HTR2C: variants seen among roughly 807,000 people sequenced by gnomAD.
HTR2C encodes the protein 5-hydroxytryptamine (serotonin) receptor 2C, G protein-coupled.
HTR2C carries 5 observed loss-of-function variants against 21.0 expected under a neutral mutation model. The ratio of observed to expected loss-of-function variants is 0.24; its 90% CI spans 0.12 to 0.50. The LOEUF is 0.50. Ranked by LOEUF, HTR2C falls within the 20% of genes least tolerant of loss-of-function variation. The pLI, the probability that HTR2C is intolerant of heterozygous loss-of-function variation, is 0.98. For synonymous variants in HTR2C, 150 were observed against 145.3 expected (o/e 1.03, Z -0.23); for missense variants, 271 against 371.2 (o/e 0.73, Z 2.22).
At chrX:114,759,674 T>C (rs2069846924) in intron 4 of HTR2C, among the ~76,000 whole-genome samples, 1 of 111,250 alleles carries the variant, frequency 9.0e-6, no homozygotes, top group Non-Finnish European at 1.9e-5. Context: ...CCCCAATTCG[T>C]CAATCTCAAC....
intron 2 of HTR2C, among the ~76,000 whole-genome samples, chrX:114,629,305 A>T (rs1929514500): frequency 8.9e-6 from 1 of 111,890 alleles, no homozygotes; most frequent in African/African-American, 3.2e-5. Flanking sequence ...GGTAATGCTT[A>T]CTTTTAAATT....
chrX:114,871,378 A>G (rs2071090529), intron 5 of HTR2C, among the ~76,000 whole-genome samples: 1 of 112,175 alleles, frequency 8.9e-6, no homozygotes, highest in Admixed American at 9.5e-5. Flanking sequence ...TGTGCTGAGG[A>G]AAAGAATGTG....
intron 5 of HTR2C, among the ~76,000 whole-genome samples, chrX:114,900,950 C>T (rs1332357602): frequency 8.9e-6 from 1 of 112,386 alleles, no homozygotes; most frequent in Admixed American, 9.5e-5. Context: ...TAACTTTTCA[C>T]TTACACTGAA....
At chrX:114,793,724 C>CT (rs370271682) in intron 4 of HTR2C, among the ~76,000 whole-genome samples, 43 of 104,636 alleles carry the variant, frequency 4.1e-4, no homozygotes, top group African/African-American at 9.7e-4. Context: ...ACACCTTAGG[C>CT]TTTTTTTTTT....
intron 1 of HTR2C, among the ~76,000 whole-genome samples, chrX:114,584,902 G>T (rs1170633064): frequency 1.9e-5 from 2 of 106,119 alleles, no homozygotes; most frequent in African/African-American, 3.5e-5. Flanking sequence ...GGGAGCGGGG[G>T]CTCGAGATGA....
At chrX:114,710,459 G>T (rs782390760) in intron 2 of HTR2C, among the ~76,000 whole-genome samples, 23 of 111,559 alleles carry the variant, frequency 2.1e-4, no homozygotes, top group Non-Finnish European at 3.8e-4. Context: ...GTAGATATTG[G>T]AGTGCAACAC....
chrX:114,899,019 G>A (rs1473813541), intron 5 of HTR2C, among the ~76,000 whole-genome samples: 3 of 112,250 alleles, frequency 2.7e-5, no homozygotes, highest in African/African-American at 9.7e-5. Flanking sequence ...TTCTATCCAT[G>A]AGCATGGAAT....
chrX:114,897,506 T>A (rs782142984), intron 5 of HTR2C, among the ~76,000 whole-genome samples: 2 of 111,421 alleles, frequency 1.8e-5, no homozygotes, highest in Admixed American at 1.9e-4. Context: ...GATCATCCCA[T>A]CACTTAGGTA....
At chrX:114,834,696 T>C (rs1175636950) in intron 4 of HTR2C, among the ~76,000 whole-genome samples, 1 of 104,506 alleles carries the variant, frequency 9.6e-6, no homozygotes, top group East Asian at 3.2e-4. Context: ...GAGCATTTAG[T>C]CCATTTACAT....
chrX:114,793,678 T>C (rs1422142703), intron 4 of HTR2C, among the ~76,000 whole-genome samples: 1 of 110,842 alleles, frequency 9.0e-6, no homozygotes, highest in Admixed American at 9.7e-5. Context: ...GGCTCTATTA[T>C]TGAATAATGC....
chrX:114,591,463 T>C (rs1434033883), intron 1 of HTR2C, among the ~76,000 whole-genome samples: 3 of 111,820 alleles, frequency 2.7e-5, no homozygotes, highest in Non-Finnish European at 3.8e-5. Flanking sequence ...TGACTATTCA[T>C]TGATACAATG....
At position 114,743,722 on chromosome X, in the gene HTR2C, A is replaced by G. The variant is rs782689848; in HGVS notation, c.349+12115A>G. Among the ~76,000 whole-genome samples, 10 of 111,779 alleles carry G rather than the reference A, an allele frequency of 8.9e-5. No individual in the cohort carries two copies. The South Asian group carries it at 3.7e-3, about 42-fold the overall frequency. ...AAAATTTGAACAAAAATGGGCAATG[A>G]TTGCCCCAATTTGGTGAAAGAAAAA... On this transcript the variant is annotated intron_variant, in intron 4 of 5. Coordinates refer to ENST00000276198, the MANE Select transcript of HTR2C (RefSeq NM_000868.4).
intron 5 of HTR2C, among the ~76,000 whole-genome samples, chrX:114,852,843 G>A (rs1039510750): frequency 1.3e-4 from 14 of 109,719 alleles, no homozygotes; most frequent in South Asian, 3.8e-4. Flanking sequence ...GTTTGTGTGC[G>A]CGCGCGCGTG....
chrX:114,745,388 G>A (rs894229085), intron 4 of HTR2C, among the ~76,000 whole-genome samples: 1 of 112,196 alleles, frequency 8.9e-6, no homozygotes, highest in African/African-American at 3.2e-5. Context: ...ATGGGGAACA[G>A]TTTGGAGGTT....
intron 5 of HTR2C, among the ~76,000 whole-genome samples, chrX:114,863,685 C>T (rs1410415133): frequency 9.0e-6 from 1 of 110,946 alleles, no homozygotes; most frequent in Non-Finnish European, 1.9e-5. Flanking sequence ...CCAGTATTTC[C>T]TTATTATTTG....
intron 2 of HTR2C, among the ~76,000 whole-genome samples, chrX:114,619,724 G>C (rs980625101): frequency 2.0e-4 from 22 of 110,779 alleles, no homozygotes; most frequent in African/African-American, 3.0e-4. Flanking sequence ...CCTAACACAA[G>C]GTGAGAATTC....
chrX:114,706,687 G>A (rs1047110423), intron 2 of HTR2C, among the ~76,000 whole-genome samples: 5 of 107,363 alleles, frequency 4.7e-5, no homozygotes, highest in Non-Finnish European at 9.6e-5. Flanking sequence ...TTGTACACAT[G>A]TACCCTAAAA....
At chrX:114,608,492 C>G (rs1928572564) in intron 1 of HTR2C, among the ~76,000 whole-genome samples, 1 of 111,289 alleles carries the variant, frequency 9.0e-6, no homozygotes, top group Non-Finnish European at 1.9e-5. Context: ...AACCTGCAAA[C>G]TTTTAAGGGA....
In HTR2C at chrX:114,738,240, G is replaced by A. The variant is rs1012051418; in HGVS notation, c.349+6633G>A. Among the ~76,000 whole-genome samples the A allele has an allele frequency of 4.5e-5, 5 of 111,135 alleles. No individual in the cohort carries two copies. The South Asian group carries it at 1.5e-3, about 33-fold the overall frequency. On this transcript the variant is annotated intron_variant, in intron 4 of 5. Coordinates refer to ENST00000276198, the MANE Select transcript of HTR2C (RefSeq NM_000868.4). ...TATAATGACAATGCTTAATAATATT[G>A]TATTGCATGCTTGAAATTGTTAACA...
Sources: allele counts gnomAD v4.1 joint callset (sites outside exome capture counted in the v4.1 genomes callset), GRCh38; gene constraint gnomAD v4.1.1; transcripts MANE v1.5; gene names NCBI Gene and HGNC (gene_info 2026-07-23, HGNC 2026-07-21).